The following RIBC2 variants were observed in gnomAD, a reference collection of about 807,000 sequenced individuals.
The protein encoded by RIBC2 is RIB43A domain with coiled-coils 2.
RIBC2 carries 40 observed loss-of-function variants against 44.3 expected under a neutral mutation model. The ratio of observed to expected loss-of-function variants is 0.90; its 90% confidence interval spans 0.70 to 1.18. The LOEUF (loss-of-function observed/expected upper bound fraction) is 1.18. RIBC2 is among the 50% of genes most tolerant of loss of function. The pLI is 0.00. For missense variants in RIBC2, 459 were observed against 485.5 expected, an observed-to-expected ratio of 0.95 and a Z score of 0.51; for synonymous variants, 171 against 175.0, an observed-to-expected ratio of 0.98 and a Z score of 0.18.
chr22:45,431,800 AAAACT>A (rs945670849), intron 6 of RIBC2, among the ~76,000 whole-genome samples: 7 of 152,134 alleles, frequency 4.6e-5, no homozygotes, highest in Non-Finnish European at 1.0e-4. Context: ...AAACTAAAAT[AAAACT>A]AAACTAAAAA....
intron 4 of RIBC2, 83 bp downstream of exon 4, chr22:45,422,491 CT>C (rs945210493): frequency 1.0e-6 from 1 of 983,840 alleles, no homozygotes; most frequent in African/African-American, 1.6e-5. Context: ...TCCGGCTTCC[CT>C]GGGATCCCAG....
intron 3 of RIBC2, among the ~76,000 whole-genome samples, chr22:45,420,285 C>G (rs1182294021): frequency 6.6e-6 from 1 of 152,140 alleles, no homozygotes; most frequent in Non-Finnish European, 1.5e-5. Context: ...TGTCTTTCCC[C>G]AGATATCTGT....
At chr22:45,420,217 A>G (rs1352230991) in intron 3 of RIBC2, among the ~76,000 whole-genome samples, 4 of 152,106 alleles carry the variant, frequency 2.6e-5, no homozygotes, top group Non-Finnish European at 5.9e-5. Flanking sequence ...AGACGTGAGT[A>G]TATCAGGCTC....
In RIBC2 at chr22:45,426,312, G is replaced by A. The variant is rs138593397; in HGVS notation, c.903+137G>A. 1.7e-4 allele frequency: 122 copies of A among 718,312 alleles called. No homozygotes were observed. In the East Asian group the frequency reaches 3.1e-3, roughly 18 times the overall value. The allele number at this position is 718,312 out of a possible 1,614,324, so 44.5% of individuals were successfully genotyped here. Reference sequence around the variant, plus strand: ...CCCTCAAGGAGTTTCCCTTCTAGTCGGTGGGAGACAAGAGCCAGATAGTGT... The same window carrying A: ...CCCTCAAGGAGTTTCCCTTCTAGTCAGTGGGAGACAAGAGCCAGATAGTGT... On this transcript the variant is annotated intron_variant, in intron 5 of 6. Transcript: ENST00000614167.
chr22:45,426,978 G>A (rs6007029), intron 5 of RIBC2, among the ~76,000 whole-genome samples: 4 of 152,172 alleles, frequency 2.6e-5, no homozygotes, highest in Admixed American at 2.0e-4. Flanking sequence ...TGAGCAACTA[G>A]AGGGATGGAA....
Position 45,413,928 on chromosome 22 carries a change from G to A in RIBC2, c.42G>A (p.Leu14=). The change falls in exon 1 of 7, where the codon TTG becomes TTA. Residue 14 remains leucine (L), a synonymous_variant. Transcript: ENST00000614167. ...QTMAVALPRD[L]RQDANLAKRR... ...TGGCGGTGGCGCTGCCCAGGGACTT[G>A]CGGCAGGACGCCAACCTGGCAAAGA... 1 of 1,551,674 alleles carries A rather than the reference G, an allele frequency of 6.4e-7. No homozygotes were observed. Among genetic ancestry groups the A allele is most frequent in the Non-Finnish European group, 8.7e-7 (1 of 1,146,976 alleles).
chr22:45,419,323 C>A (rs530237289), intron 3 of RIBC2, among the ~76,000 whole-genome samples: 1 of 152,126 alleles, frequency 6.6e-6, no homozygotes, highest in South Asian at 2.1e-4. Context: ...ACATCCGTGA[C>A]AGCTCCTTTC....
At chr22:45,420,439 T>A (rs2087467183) in intron 3 of RIBC2, among the ~76,000 whole-genome samples, 1 of 152,178 alleles carries the variant, frequency 6.6e-6, no homozygotes, top group South Asian at 2.1e-4. Context: ...ATAGCCTTGA[T>A]CACTGACGTG....
At chr22:45,426,893 C>T (rs1194616210) in intron 5 of RIBC2, among the ~76,000 whole-genome samples, 2 of 151,872 alleles carry the variant, frequency 1.3e-5, no homozygotes, top group African/African-American at 4.8e-5. Flanking sequence ...AAGGTAGAGT[C>T]GACAGGATTG....
intron 5 of RIBC2, among the ~76,000 whole-genome samples, chr22:45,430,043 C>A (rs2087565177): frequency 6.6e-6 from 1 of 152,142 alleles, no homozygotes; most frequent in Non-Finnish European, 1.5e-5. Flanking sequence ...TGTGTGATGA[C>A]CCTGGGCTCC....
intron 3 of RIBC2, among the ~76,000 whole-genome samples, chr22:45,421,973 C>A (rs540125339): frequency 6.6e-6 from 1 of 152,232 alleles, no homozygotes; most frequent in South Asian, 2.1e-4. Context: ...CTTCTTTTGT[C>A]CTGCAGGTCT....
At chr22:45,415,171 G>T (rs1271671650) in intron 2 of RIBC2, among the ~76,000 whole-genome samples, 1 of 141,714 alleles carries the variant, frequency 7.1e-6, no homozygotes, top group Non-Finnish European at 1.5e-5. Flanking sequence ...GCAACAAAGC[G>T]AGACCCCATC....
chr22:45,413,891 G>A lies in RIBC2; in HGVS notation c.5G>A (p.Gly2Asp). M[G>D]SQTMAVALPR... Reference sequence around the variant, plus strand: ...TAAAAACCCCTTAGGCTTTCCATGGGTTCCCAGACCATGGCGGTGGCGCTG... The same window carrying A: ...TAAAAACCCCTTAGGCTTTCCATGGATTCCCAGACCATGGCGGTGGCGCTG... The change falls in exon 1 of 7, where the codon GGT becomes GAT. Residue 2 changes from glycine to aspartate, a missense_variant. Physicochemically the swap from Gly to Asp is moderately conservative, Grantham distance 94. Transcript: ENST00000614167. 6.4e-7 allele frequency: 1 copy of A among 1,550,944 alleles called. No individual in the cohort carries two copies. Among genetic ancestry groups the A allele is most frequent in the South Asian group, 1.2e-5 (1 of 83,990 alleles).
At position 45,432,277 on chromosome 22, in the gene RIBC2, T is replaced by C; in HGVS notation, c.1071-7T>C. ...CTGACCTTTTTTTTTTCTCATTTTG[T>C]TATCAGGAAAAAATATATGAATGAA... On this transcript the variant is annotated splice_region_variant and splice_polypyrimidine_tract_variant and intron_variant, in intron 6 of 6. Transcript: ENST00000614167. 6.7e-7 allele frequency: 1 copy of C among 1,497,138 alleles called. No homozygotes were observed. Among genetic ancestry groups the C allele is most frequent in the South Asian group, 1.2e-5 (1 of 83,102 alleles). 92.7% of individuals were successfully genotyped at this position (1,497,138 alleles called of 1,614,324 possible).
Position 45,432,323 on chromosome 22 carries a change from G to A in RIBC2, c.1110G>A (p.Thr370=), listed in dbSNP as rs529724786. 29 of 1,600,060 alleles carry A rather than the reference G, an allele frequency of 1.8e-5. No individual in the cohort carries two copies. Among genetic ancestry groups the A allele is most frequent in the African/African-American group, 4.0e-5 (3 of 74,266 alleles). The change falls in exon 7 of 7, where the codon ACG becomes ACA. Residue 370 remains threonine (T), a synonymous_variant. Transcript: ENST00000614167. ...ATGAAGTCTATACAAATCAACCCACGGGAGACTATTTCACACAATTTAATA... is the reference window on the plus strand; with the variant it reads ...ATGAAGTCTATACAAATCAACCCACAGGAGACTATTTCACACAATTTAATA... ...YMNEVYTNQP[T]GDYFTQFNTG... is the part of the protein sequence containing the mutation.
At chr22:45,419,744 A>G (rs1186152600) in intron 3 of RIBC2, among the ~76,000 whole-genome samples, 1 of 150,988 alleles carries the variant, frequency 6.6e-6, no homozygotes, top group East Asian at 2.0e-4. Context: ...AAAAAAAAAA[A>G]GACCGGGCAC....
intron 3 of RIBC2, among the ~76,000 whole-genome samples, chr22:45,421,583 A>T (rs62226842): frequency 0.16 from 5,236 of 31,938 alleles, 167 homozygotes; most frequent in African/African-American, 0.39. Flanking sequence ...AGTATTATTA[A>T]TAATAATAAT....
In RIBC2 at chr22:45,421,374, C is replaced by T. The variant is rs374406634; in HGVS notation, c.557-916C>T. On this transcript the variant is annotated intron_variant, in intron 3 of 6. Transcript: ENST00000614167. ...ATAATTAATTATTATTTAAATGCCA[C>T]CTATAGGCCATCATTTCCCAGGTTT... Among the ~76,000 whole-genome samples the T allele has an allele frequency of 1.3e-4, 18 of 143,944 alleles. 1 individual carries two copies. The South Asian group carries it at 3.9e-3, about 31-fold the overall frequency. The allele number at this position is 143,944 out of a possible 152,430, so 94.4% of individuals were successfully genotyped here. A position where few individuals can be genotyped will look rare whatever the true frequency, so the allele number is the denominator to read the frequency against.
intron 4 of RIBC2, among the ~76,000 whole-genome samples, chr22:45,422,946 T>A (rs977887105): frequency 1.3e-5 from 2 of 151,976 alleles, no homozygotes; most frequent in Admixed American, 1.3e-4. Context: ...ATGCTGAAAT[T>A]GCTGAAATAG....
Sources: allele counts gnomAD v4.1 joint callset (sites outside exome capture counted in the v4.1 genomes callset), GRCh38; gene constraint gnomAD v4.1.1; transcripts MANE v1.5; gene names NCBI Gene and HGNC (gene_info 2026-07-23, HGNC 2026-07-21).